VEGFA: variants seen among roughly 807,000 people sequenced by gnomAD.
VEGFA encodes the protein vascular endothelial growth factor A, also known as vascular endothelial growth factor A, long form.
A neutral mutation model predicts 49.7 loss-of-function variants in VEGFA; 20 were observed. That is an observed-to-expected ratio of 0.40 (90% CI 0.28 to 0.58). VEGFA has a LOEUF of 0.58. Among genes scored for constraint, VEGFA ranks in the 20% least tolerant of loss-of-function variants. The pLI is 0.40. For missense variants in VEGFA, 505 were observed against 553.5 expected (o/e 0.91, Z 0.88); for synonymous variants, 219 against 223.4 (o/e 0.98, Z 0.18).
In VEGFA at chr6:43,771,250, A is replaced by G; in HGVS notation, c.544A>G (p.Asn182Asp). Residue 182 changes from asparagine to aspartate, a missense_variant, in exon 1 of 8, where the codon AAC (asparagine) becomes GAC (aspartate). Transcript: ENST00000672860. ...CCCCGGTCGGGCCTCCGAAACCATG[A>G]ACTTTCTGCTGTCTTGGGTGCATTG... 6.2e-7 allele frequency: 1 copy of G among 1,607,338 alleles called. No homozygotes were observed. The highest frequency in any genetic ancestry group is 8.5e-7 in the Non-Finnish European group (1 of 1,177,592).
intron 7 of VEGFA, chr6:43,782,507 C>T (rs1439196769): frequency 6.7e-6 from 2 of 298,752 alleles, no homozygotes; most frequent in Non-Finnish European, 6.6e-6. Flanking sequence ...CAGATGCTCT[C>T]GCTGGGGCCT....
chr6:43,772,105 G>A (rs1763808019), intron 1 of VEGFA: 3 of 983,058 alleles, frequency 3.1e-6, no homozygotes, highest in South Asian at 9.4e-5. Flanking sequence ...TCTCGAGGTA[G>A]CCCCAGCCCG....
intron 1 of VEGFA, 60 bp downstream of exon 1, chr6:43,771,372 A>G (rs2127997816): frequency 6.4e-7 from 1 of 1,559,458 alleles, no homozygotes; most frequent in Non-Finnish European, 8.6e-7. Context: ...CCGGCTGGGG[A>G]CGTGCGTGCG....
rs79986684 is a variant in VEGFA at position 43,772,283 on chromosome 6, C to T, written c.606+971C>T. On this transcript the variant is annotated intron_variant, in intron 1 of 7. Transcript: ENST00000672860. ...TTCATTTCTCTCTGCGGAGAAGATC[C>T]ATCTAACCCCTTTCTGGCCCCAGAG... Among the ~76,000 whole-genome samples the T allele has an allele frequency of 4.0e-3, 612 of 152,336 alleles. 3 individuals carry two copies. Among genetic ancestry groups the T allele is most frequent in the African/African-American group, 0.014 (584 of 41,576 alleles).
In VEGFA at chr6:43,777,571, A is replaced by C; in HGVS notation, c.761A>C (p.Lys254Thr). ...CCTGATGAGATCGAGTACATCTTCA[A>C]GCCATCCTGTGTGCCCCTGATGCGA... The change falls in exon 3 of 8, where the codon AAG (lysine) becomes ACG (threonine). Residue 254 changes from lysine to threonine, a missense_variant. Transcript: ENST00000672860. This position sits in a 1 kb window ranked among gnomAD's most constrained non-coding sequence, Gnocchi z 4.3. 1.9e-6 allele frequency: 3 copies of C among 1,614,126 alleles called. No homozygotes were observed. Among genetic ancestry groups the C allele is most frequent in the Non-Finnish European group, 1.7e-6 (2 of 1,180,030 alleles).
At chr6:43,772,040 C>T (rs909051203) in intron 1 of VEGFA, 4 of 985,338 alleles carry the variant, frequency 4.1e-6, no homozygotes, top group Non-Finnish European at 4.8e-6. Flanking sequence ...GAATGGGGAG[C>T]CCAGAGTGGC....
chr6:43,784,230 C>T (rs555965437), intron 7 of VEGFA: 65 of 511,484 alleles, frequency 1.3e-4, no homozygotes, highest in African/African-American at 9.8e-4. Context: ...CTTTGGTATC[C>T]GTTCATTTGT....
intron 7 of VEGFA, chr6:43,784,139 C>T (rs1768900491): frequency 3.2e-6 from 1 of 310,866 alleles, no homozygotes. Flanking sequence ...TGAAAACCCT[C>T]CTCAGCAGGG....
At chr6:43,774,624 C>G (rs1330541420) in intron 2 of VEGFA, 1 of 596,286 alleles carries the variant, frequency 1.7e-6, no homozygotes, top group Admixed American at 2.9e-5. Flanking sequence ...TCTGCTCTTT[C>G]CAGTAAAATT....
Position 43,770,740 on chromosome 6 carries a change from C to A in VEGFA, c.34C>A (p.Pro12Thr). Residue 12 changes from proline to threonine, a missense_variant, in exon 1 of 8, where the codon CCC becomes ACC. Transcript: ENST00000672860. Reference sequence around the variant, plus strand: ...CAGACAGACAGACACCGCCCCCAGCCCCAGCTACCACCTCCTCCCCGGCCG... The same window carrying A: ...CAGACAGACAGACACCGCCCCCAGCACCAGCTACCACCTCCTCCCCGGCCG... 1 of 1,527,638 alleles carries A rather than the reference C, an allele frequency of 6.5e-7. No individual in the cohort carries two copies. Among genetic ancestry groups the A allele is most frequent in the Non-Finnish European group, 8.7e-7 (1 of 1,147,576 alleles). 94.6% of individuals were successfully genotyped at this position (1,527,638 alleles called of 1,614,324 possible).
intron 1 of VEGFA, 123 bp downstream of exon 1, chr6:43,771,435 G>C (rs1763513076): frequency 9.8e-7 from 1 of 1,020,568 alleles, no homozygotes; most frequent in South Asian, 1.8e-5. Flanking sequence ...CACCAGGCGT[G>C]CGGCGTCCCC....
At chr6:43,781,849 G>A in intron 6 of VEGFA, 107 bp from the exon 7 acceptor site, 1 of 1,468,046 alleles carries the variant, frequency 6.8e-7, no homozygotes, top group Non-Finnish European at 9.3e-7. Context: ...TGACCGGCTG[G>A]GTGGGGGTGC....
rs1765777592 is a variant in VEGFA, at chr6:43,777,390, T to A, written c.659-79T>A. The A allele has an allele frequency of 3.3e-6, 5 of 1,531,242 alleles. No homozygotes were observed. Among genetic ancestry groups the A allele is most frequent in the Non-Finnish European group, 4.5e-6 (5 of 1,111,894 alleles). The allele number at this position is 1,531,242 out of a possible 1,614,324, so 94.9% of individuals were successfully genotyped here. On this transcript the variant is annotated intron_variant, in intron 2 of 7. Transcript: ENST00000672860. The surrounding 1 kb of genome is among the most constrained non-coding windows in gnomAD (Gnocchi z 4.3). ...GATTCGGAAGCTCCAAAGAGTGGCA[T>A]TACAGAGCTGGGTGGAGAGAGGGGC...
rs772901865 is a variant in VEGFA, at chr6:43,780,818, G to A, written c.1034+15G>A. The stretch of plus-strand genomic sequence containing the variant: ...TCCTGGAGCGTGTACGTTGGTGCCC[G>A]CTGCTGTCTAATGCCCTGGAGCCTC... On this transcript the variant is annotated intron_variant, in intron 6 of 7. Transcript: ENST00000672860. The A allele has an allele frequency of 1.3e-5, 21 of 1,613,888 alleles. No homozygotes were observed. The East Asian group carries it at 1.6e-4, about 12-fold the overall frequency.
intron 7 of VEGFA, chr6:43,783,165 G>A (rs1039729576): frequency 6.6e-6 from 1 of 152,270 alleles, no homozygotes; most frequent in African/African-American, 2.4e-5. Context: ...CTTAGCTTAT[G>A]TTCTTTATAC....
chr6:43,778,138 G>A (rs3024999), intron 3 of VEGFA: 41 of 504,218 alleles, frequency 8.1e-5, no homozygotes, highest in African/African-American at 7.5e-4. Context: ...CTAGGAGTCA[G>A]GGTGAAGCCT....
intron 6 of VEGFA, 112 bp from the exon 7 acceptor site, chr6:43,781,844 G>T: frequency 7.0e-7 from 1 of 1,436,524 alleles, no homozygotes; most frequent in East Asian, 2.4e-5. Context: ...GGGGCTGACC[G>T]GCTGGGTGGG....
intron 6 of VEGFA, chr6:43,781,620 G>A (rs562546708): frequency 4.4e-5 from 16 of 366,800 alleles, no homozygotes; most frequent in South Asian, 1.7e-4. Context: ...GAGTCAAGGC[G>A]TGCTCCGATG....
intron 7 of VEGFA, chr6:43,784,292 C>T (rs1768966229): frequency 1.7e-6 from 1 of 601,300 alleles, no homozygotes; most frequent in East Asian, 2.8e-5. Context: ...AGATTGCAAG[C>T]TCAGGAGGGT....
Sources: gnomAD v4.1 joint callset for allele counts (sites outside exome capture counted in the v4.1 genomes callset) on GRCh38, gnomAD v4.1.1 for gene constraint, Gnocchi (gnomAD v3.1) non-coding constraint, MANE v1.5 for transcripts, NCBI Gene and HGNC (gene_info 2026-07-23, HGNC 2026-07-21) for gene names.